Variants in ZYG11A observed in about 807,000 individuals in gnomAD.
The protein encoded by ZYG11A is protein zyg-11 homolog A.
ZYG11A carries 62 observed loss-of-function variants against 77.2 expected under a neutral mutation model. The ratio of observed to expected loss-of-function variants is 0.80; its 90% CI spans 0.65 to 0.99. ZYG11A has a LOEUF of 0.99. Ranked by LOEUF, ZYG11A falls within the 50% of genes least tolerant of loss-of-function variation. The pLI, the probability that ZYG11A is intolerant of heterozygous loss-of-function variation, is 0.00. For synonymous variants in ZYG11A, 315 were observed against 324.6 expected (o/e 0.97, Z 0.32); for missense variants, 828 against 896.8 (o/e 0.92, Z 0.98).
chr1:52,854,657 G>A (rs887846881), intron 2 of ZYG11A, 27 bp downstream of exon 2: 1 of 1,487,138 alleles, frequency 6.7e-7, no homozygotes, highest in Non-Finnish European at 9.0e-7. Context: ...TCTAAAGTCA[G>A]CTCTTGCAGT....
At chr1:52,872,321 C>T (rs1192760293) in intron 8 of ZYG11A, among the ~76,000 whole-genome samples, 1 of 152,018 alleles carries the variant, frequency 6.6e-6, no homozygotes, top group Non-Finnish European at 1.5e-5. Context: ...CCAGTCTGGT[C>T]TCGAACTCCT....
At chr1:52,843,034 G>A in intron 1 of ZYG11A, 61 bp downstream of exon 1, 1 of 1,420,482 alleles carries the variant, frequency 7.0e-7, no homozygotes, top group African/African-American at 1.5e-5. Flanking sequence ...TCCGGCGAGC[G>A]CGGCGAGTCT....
intron 1 of ZYG11A, among the ~76,000 whole-genome samples, chr1:52,844,416 G>A (rs752115318): frequency 3.3e-5 from 5 of 152,092 alleles, no homozygotes; most frequent in Non-Finnish European, 2.9e-5. Flanking sequence ...ATTTTTTCCT[G>A]CTTGGAATCG....
chr1:52,858,044 C>T (rs1645851210), intron 3 of ZYG11A, among the ~76,000 whole-genome samples: 1 of 151,390 alleles, frequency 6.6e-6, no homozygotes, highest in African/African-American at 2.4e-5. Flanking sequence ...GCCTCGGCTT[C>T]CCAAAGTGCT....
chr1:52,882,018 C>G (rs1646373143), intron 11 of ZYG11A, among the ~76,000 whole-genome samples: 1 of 152,040 alleles, frequency 6.6e-6, no homozygotes, highest in South Asian at 2.1e-4. Flanking sequence ...CCTCAACCTC[C>G]CAAGTAGCTG....
In ZYG11A at chr1:52,847,880, A is replaced by AT. The variant is rs758073091; in HGVS notation, c.90+4914dup. ...TATTTATTTATTTATTTATTTATTT[A>AT]TTTTTTTGAGATGGAGTCTCGCTCT... On this transcript the variant is annotated intron_variant, in intron 1 of 13. Transcript: ENST00000371528. Among the ~76,000 whole-genome samples, 110 of 42,796 alleles carry AT rather than the reference A, an allele frequency of 2.6e-3. 2 individuals carry two copies. Among genetic ancestry groups the AT allele is most frequent in the African/African-American group, 7.2e-3 (103 of 14,226 alleles). 28.1% of individuals were successfully genotyped at this position (42,796 alleles called of 152,430 possible). A position where few individuals can be genotyped will look rare whatever the true frequency, so the allele number is the denominator to read the frequency against.
chr1:52,850,296 C>T (rs1263216331), intron 1 of ZYG11A, among the ~76,000 whole-genome samples: 2 of 151,252 alleles, frequency 1.3e-5, no homozygotes, highest in Admixed American at 6.6e-5. Flanking sequence ...GACTTACAGG[C>T]GCAAGCACCG....
intron 10 of ZYG11A, among the ~76,000 whole-genome samples, chr1:52,878,431 C>A (rs116779030): frequency 6.6e-6 from 1 of 152,146 alleles, no homozygotes; most frequent in Non-Finnish European, 1.5e-5. Context: ...ACTGTCCAAG[C>A]GCTTTTTAAA....
In ZYG11A at chr1:52,881,540, A is replaced by G. The variant is rs1407037010; in HGVS notation, c.1819A>G (p.Ser607Gly). 2.6e-6 allele frequency: 4 copies of G among 1,551,874 alleles called. No individual in the cohort carries two copies. Among genetic ancestry groups the G allele is most frequent in the Middle Eastern group, 1.7e-4 (1 of 6,014 alleles). ...CGAAGATGTGCTGAAGCATATCAAC[A>G]GTTTACTCTGTAGCAGGGAAATGGA... ...VTEDVLKHIN[S>G]LLCSREMEVS... The change falls in exon 11 of 14, where the codon AGT becomes GGT. Residue 607 changes from serine to glycine, a missense_variant. Physicochemically the swap from Ser to Gly is moderately conservative, Grantham distance 56 (BLOSUM62 0). Coordinates refer to ENST00000371528, the MANE Select transcript of ZYG11A (RefSeq NM_001004339.3).
chr1:52,890,830 A>G (rs1571887183), intron 13 of ZYG11A, among the ~76,000 whole-genome samples: 1 of 151,940 alleles, frequency 6.6e-6, no homozygotes, highest in East Asian at 1.9e-4. Flanking sequence ...CAGGCATCCT[A>G]AAGTGCTTAG....
intron 8 of ZYG11A, among the ~76,000 whole-genome samples, chr1:52,868,916 ATC>A (rs1571860973): frequency 6.6e-6 from 1 of 151,850 alleles, no homozygotes; most frequent in Non-Finnish European, 1.5e-5. Context: ...GCTCACTGTA[ATC>A]TCTGCTTCCT....
At chr1:52,843,688 CT>C (rs71044427) in intron 1 of ZYG11A, among the ~76,000 whole-genome samples, 16,442 of 130,208 alleles carry the variant, frequency 0.13, 1,929 homozygotes, top group African/African-American at 0.36. Context: ...TTCTTTCTTT[CT>C]TTTTTTTTTT....
At chr1:52,885,306 G>GTATTTTT in intron 11 of ZYG11A, among the ~76,000 whole-genome samples, 1 of 57,548 alleles carries the variant, frequency 1.7e-5, no homozygotes. Flanking sequence ...AAATTGGTTT[G>GTATTTTT]TGTTTTTTGT....
At position 52,857,715 on chromosome 1, in the gene ZYG11A, C is replaced by T. The variant is rs772515293; in HGVS notation, c.974C>T (p.Ser325Phe). The T allele has an allele frequency of 1.9e-5, 30 of 1,551,102 alleles. No individual in the cohort carries two copies. The highest frequency in any genetic ancestry group is 2.4e-5 in the Non-Finnish European group (28 of 1,146,690). The change falls in exon 3 of 14, where the codon TCT becomes TTT. Residue 325 changes from serine (S) to phenylalanine (F), a missense_variant. Ser to Phe is a radical substitution (Grantham distance 155). Coordinates refer to ENST00000371528, the MANE Select transcript of ZYG11A (RefSeq NM_001004339.3). The part of the protein sequence containing the change: ...FVGLLATDAG[S>F]SDFFTTKQGL... ...GGACTATTGGCCACGGATGCTGGCT[C>T]TTCTGACTTCTTTACTACAAAGCAA...
At chr1:52,890,173 A>G (rs1353135776) in intron 13 of ZYG11A, among the ~76,000 whole-genome samples, 1 of 149,562 alleles carries the variant, frequency 6.7e-6, no homozygotes, top group East Asian at 1.9e-4. Flanking sequence ...CTCTTAAATA[A>G]TAATATAGCT....
intron 8 of ZYG11A, among the ~76,000 whole-genome samples, chr1:52,877,394 G>C (rs1646280360): frequency 6.6e-6 from 1 of 152,050 alleles, no homozygotes; most frequent in Non-Finnish European, 1.5e-5. Context: ...TGTTGACTAA[G>C]TGTTCTAAAT....
intron 2 of ZYG11A, among the ~76,000 whole-genome samples, 196 bp from the exon 3 acceptor site, chr1:52,856,802 A>G (rs1645821154): frequency 6.6e-6 from 1 of 152,212 alleles, no homozygotes; most frequent in South Asian, 2.1e-4. Flanking sequence ...AGTAACAATA[A>G]TTCCTTTATA....
chr1:52,852,273 T>G (rs1236026985), intron 1 of ZYG11A, among the ~76,000 whole-genome samples: 1 of 151,962 alleles, frequency 6.6e-6, no homozygotes, highest in African/African-American at 2.4e-5. Flanking sequence ...GGTCTCGAAC[T>G]CCTGACCTCA....
chr1:52,880,726 T>C (rs1646349178), intron 10 of ZYG11A, among the ~76,000 whole-genome samples: 1 of 152,098 alleles, frequency 6.6e-6, no homozygotes, highest in African/African-American at 2.4e-5. Context: ...GAACGTGGCC[T>C]CCAGCAAGAA....
Sources: gnomAD v4.1 joint callset for allele counts (sites outside exome capture counted in the v4.1 genomes callset) on GRCh38, gnomAD v4.1.1 for gene constraint, MANE v1.5 for transcripts, NCBI Gene and HGNC (gene_info 2026-07-23, HGNC 2026-07-21) for gene names.